The following FBF1 variants were observed in gnomAD, a reference collection of about 807,000 sequenced individuals.
FBF1 encodes fas-binding factor 1.
A neutral mutation model predicts 147.2 loss-of-function variants in FBF1; 119 were observed. That is an observed-to-expected ratio of 0.81 (90% confidence interval 0.70 to 0.94). FBF1 has a LOEUF of 0.94. Among genes scored for constraint, FBF1 ranks in the 40% least tolerant of loss-of-function variants. The pLI, the probability that FBF1 is intolerant of heterozygous loss-of-function variation, is 0.00. For synonymous variants in FBF1, 601 were observed against 609.0 expected (o/e 0.99, Z 0.19); for missense variants, 1,449 against 1,500.8 (o/e 0.97, Z 0.57).
At position 75,926,514 on chromosome 17, in the gene FBF1, C is replaced by T. The variant is rs1043943109; in HGVS notation, c.596-88G>A. 4.8e-6 allele frequency: 7 copies of T among 1,456,478 alleles called. No homozygotes were observed. In the African/African-American group the frequency reaches 5.7e-5, roughly 12 times the overall value. 90.2% of individuals were successfully genotyped at this position (1,456,478 alleles called of 1,614,324 possible). A position where few individuals can be genotyped will look rare whatever the true frequency, so the allele number is the denominator to read the frequency against. Reference sequence around the variant, plus strand: ...GGGGTTGGGGGTGGTTTCTCTGCACCTTTGGGTAGGACGACAGGCTTTAGA... The same window carrying T: ...GGGGTTGGGGGTGGTTTCTCTGCACTTTTGGGTAGGACGACAGGCTTTAGA... On this transcript the variant is annotated intron_variant, in intron 10 of 29. Coordinates refer to ENST00000636174, the MANE Select transcript of FBF1 (RefSeq NM_001319193.2).
intron 16 of FBF1, 47 bp downstream of exon 16, chr17:75,921,425 T>G: frequency 6.3e-7 from 1 of 1,580,360 alleles, no homozygotes; most frequent in Non-Finnish European, 8.6e-7. Context: ...CACCTCTTCC[T>G]CACCCAGGGT....
rs149637037 is a variant in FBF1 at position 75,923,071 on chromosome 17, G to A, written c.1424+115C>T. ...AAGAAGCGGCCTCTGTGGCCACGGC[G>A]CCCTGCCTTGTTCCCCAACTGCTGA... On this transcript the variant is annotated intron_variant, in intron 14 of 29. Coordinates refer to ENST00000636174, the MANE Select transcript of FBF1 (RefSeq NM_001319193.2). This position sits in a 1 kb window ranked among gnomAD's most constrained non-coding sequence, Gnocchi z 4.1. 1.7e-4 allele frequency: 182 copies of A among 1,080,836 alleles called. No individual in the cohort carries two copies. Among genetic ancestry groups the A allele is most frequent in the African/African-American group, 1.5e-3 (96 of 62,556 alleles). 67.0% of individuals were successfully genotyped at this position (1,080,836 alleles called of 1,614,324 possible). A position where few individuals can be genotyped will look rare whatever the true frequency, so the allele number is the denominator to read the frequency against.
intron 7 of FBF1, 33 bp downstream of exon 7, chr17:75,929,964 C>CCCCCCCTAA: frequency 7.1e-7 from 1 of 1,402,200 alleles, no homozygotes; most frequent in South Asian, 1.2e-5. Context: ...CACCCACCCC[C>CCCCCCCTAA]AGTTCTAAGA....
Position 75,926,892 on chromosome 17 carries a change from G to A in FBF1, c.476-15C>T, listed in dbSNP as rs750720447. On this transcript the variant is annotated splice_polypyrimidine_tract_variant and intron_variant, in intron 9 of 29. Transcript: ENST00000636174. ...GTCTTCCAAGTCTCACAGCAGAAGG[G>A]AAAGCACAGGTCAGACTGCAGCACT... 1.9e-6 allele frequency: 3 copies of A among 1,604,574 alleles called. No individual in the cohort carries two copies. The highest frequency in any genetic ancestry group is 2.2e-5 in the South Asian group (2 of 89,382).
chr17:75,930,119 C>T lies in FBF1; in HGVS notation c.229-72G>A. ...TCAAGGCCCAATAAAACTCAGGGTC[C>T]TGGCCCCTTGCTTCTGTTAGGGCAG... On this transcript the variant is annotated intron_variant, in intron 6 of 29. Coordinates refer to ENST00000636174, the MANE Select transcript of FBF1 (RefSeq NM_001319193.2). The T allele has an allele frequency of 2.4e-6, 3 of 1,254,734 alleles. No individual in the cohort carries two copies. The South Asian group carries it at 3.8e-5, about 16-fold the overall frequency. The allele number at this position is 1,254,734 out of a possible 1,614,324, so 77.7% of individuals were successfully genotyped here.
intron 5 of FBF1, 87 bp downstream of exon 5, chr17:75,932,908 A>G: frequency 1.1e-6 from 1 of 871,148 alleles, no homozygotes; most frequent in Non-Finnish European, 1.7e-6. Flanking sequence ...ATGGCGAGCA[A>G]ATGTGAAGTA....
intron 23 of FBF1, among the ~76,000 whole-genome samples, chr17:75,916,007 CA>C (rs35055735): frequency 0.14 from 8,871 of 65,612 alleles, 231 homozygotes; most frequent in African/African-American, 0.28. Context: ...GACTCTGACT[CA>C]AAAAAAAAAA....
chr17:75,929,945 A>AGGGGGGCCCCCCCCCCCCCCC, intron 7 of FBF1, 52 bp downstream of exon 7: 3 of 650,890 alleles, frequency 4.6e-6, no homozygotes, highest in East Asian at 2.8e-5. Context: ...AAATATCATG[A>AGGGGGGCCCCCCCCCCCCCCC]CCCCACCCCA....
intron 23 of FBF1, among the ~76,000 whole-genome samples, chr17:75,915,912 G>A (rs1347396664): frequency 1.3e-5 from 2 of 150,916 alleles, no homozygotes; most frequent in African/African-American, 2.4e-5. Flanking sequence ...GGAGGCTGAG[G>A]CAGGAGAATC....
At position 75,926,053 on chromosome 17, in the gene FBF1, T is replaced by C; in HGVS notation, c.845A>G (p.Asp282Gly). ...ACCCTGTGGCCTCTGGTACTTCTTG[T>C]CTAGCTTGAACTCCCTGTGCTCCCC... ...GTGEHREFKL[D>G]KKYQRPQDSE... is the part of the protein sequence containing the mutation. The change falls in exon 12 of 30, where the codon GAC (aspartate) becomes GGC (glycine). Residue 282 changes from aspartate (D) to glycine (G), a missense_variant. Physicochemically the swap from Asp to Gly is moderately conservative, Grantham distance 94 (BLOSUM62 -1). Coordinates refer to ENST00000636174, the MANE Select transcript of FBF1 (RefSeq NM_001319193.2). The C allele has an allele frequency of 6.2e-7, 1 of 1,611,982 alleles. No individual in the cohort carries two copies. Among genetic ancestry groups the C allele is most frequent in the South Asian group, 1.1e-5 (1 of 90,976 alleles).
At chr17:75,916,098 T>C (rs988853922) in intron 23 of FBF1, among the ~76,000 whole-genome samples, 2 of 151,666 alleles carry the variant, frequency 1.3e-5, no homozygotes, top group Non-Finnish European at 2.9e-5. Flanking sequence ...AGTGGGCAGC[T>C]TGTCTGAGCT....
intron 8 of FBF1, 93 bp from the exon 9 acceptor site, chr17:75,927,625 G>A (rs2065570420): frequency 3.6e-6 from 4 of 1,115,598 alleles, no homozygotes; most frequent in Admixed American, 2.2e-5. Flanking sequence ...GGGATGGGGT[G>A]CACTTCTTCC....
In FBF1 at chr17:75,924,966, C is replaced by T. The variant is rs1034052558; in HGVS notation, c.968+381G>A. Among the ~76,000 whole-genome samples the T allele has an allele frequency of 5.9e-5, 9 of 152,126 alleles. No homozygotes were observed. The East Asian group carries it at 9.6e-4, about 16-fold the overall frequency. ...TGGGAAGCGGGGTCTAAGAAGCCAC[C>T]GCAGATGCCAGTGGTCTTGCTACCC... On this transcript the variant is annotated intron_variant, in intron 13 of 29. Coordinates refer to ENST00000636174, the MANE Select transcript of FBF1 (RefSeq NM_001319193.2).
In FBF1 at chr17:75,922,992, G is replaced by A. The variant is rs2065537315; in HGVS notation, c.1424+194C>T. 2.0e-5 allele frequency among the ~76,000 whole-genome samples: 3 copies of A among 152,272 alleles called. No individual in the cohort carries two copies. Among genetic ancestry groups the A allele is most frequent in the Admixed American group, 6.5e-5 (1 of 15,290 alleles). ...CTTCTTGGGTATGTCCCTGGGGCAA[G>A]CCTGGGAGCCAGAGGCTCTCTCTGC... On this transcript the variant is annotated intron_variant, in intron 14 of 29. Coordinates refer to ENST00000636174, the MANE Select transcript of FBF1 (RefSeq NM_001319193.2). This position sits in a 1 kb window ranked among gnomAD's most constrained non-coding sequence, Gnocchi z 5.0.
chr17:75,925,387 C>A lies in FBF1; in HGVS notation c.928G>T (p.Val310Phe), dbSNP rs750877436. The change falls in exon 13 of 30, where the codon GTC becomes TTC. Residue 310 changes from valine to phenylalanine, a missense_variant. Physicochemically the swap from Val to Phe is conservative, Grantham distance 50 (BLOSUM62 -1). Transcript: ENST00000636174. This position sits in a 1 kb window ranked among gnomAD's most constrained non-coding sequence, Gnocchi z 5.0. ...CGGGACTGCCGGCCCTCAGAGGAGA[C>A]CACAGTGGGCTGATAGGCTCCAAAG... ...FTFGAYQPTVVSSEGRQSRRQ... is the reference protein window; with the variant it reads ...FTFGAYQPTVFSSEGRQSRRQ... 8.7e-6 allele frequency: 14 copies of A among 1,613,440 alleles called. No homozygotes were observed. The highest frequency in any genetic ancestry group is 1.6e-4 in the Middle Eastern group (1 of 6,082).
Position 75,925,360 on chromosome 17 carries a change from G to A in FBF1, c.955C>T (p.Arg319Trp), listed in dbSNP as rs544625554. The change falls in exon 13 of 30, where the codon CGG becomes TGG. Residue 319 changes from arginine (R) to tryptophan (W), a missense_variant. Physicochemically the swap from Arg to Trp is moderately radical, Grantham distance 101. Coordinates refer to ENST00000636174, the MANE Select transcript of FBF1 (RefSeq NM_001319193.2). The surrounding 1 kb of genome is among the most constrained non-coding windows in gnomAD (Gnocchi z 5.0). The stretch of plus-strand genomic sequence containing the variant: ...GGCCCCACTTACCTGACAGACTGCC[G>A]GCGGGACTGCCGGCCCTCAGAGGAG... ...VVSSEGRQSR[R>W]QSVSRFFADS... 3.3e-5 allele frequency: 53 copies of A among 1,612,952 alleles called. No individual in the cohort carries two copies. Among genetic ancestry groups the A allele is most frequent in the East Asian group, 3.1e-4 (14 of 44,876 alleles).
Position 75,914,944 on chromosome 17 carries a change from G to C in FBF1, c.2629-12C>G. 1.2e-6 allele frequency: 2 copies of C among 1,611,278 alleles called. No individual in the cohort carries two copies. The highest frequency in any genetic ancestry group is 8.5e-7 in the Non-Finnish European group (1 of 1,178,562). ...TCCAGCAAGGCGCTCTGGGATGTGGGGGTGAAGGCACGGGGTGAGTGTCCC... is the reference window on the plus strand; with the variant it reads ...TCCAGCAAGGCGCTCTGGGATGTGGCGGTGAAGGCACGGGGTGAGTGTCCC... On this transcript the variant is annotated splice_polypyrimidine_tract_variant and intron_variant, in intron 24 of 29. Coordinates refer to ENST00000636174, the MANE Select transcript of FBF1 (RefSeq NM_001319193.2).
chr17:75,928,082 G>A lies in FBF1; in HGVS notation c.391C>T (p.Pro131Ser). Reference sequence around the variant, plus strand: ...TCACTGGCTACTGACCCACCTGCAGGCTTGGGGTGGTTGGGCAGCTCTCCT... The same window carrying A: ...TCACTGGCTACTGACCCACCTGCAGACTTGGGGTGGTTGGGCAGCTCTCCT... ...GKGELPNHPK[P>S]AGGAIPTKKS... The change falls in exon 8 of 30, where the codon CCT (proline) becomes TCT (serine). Residue 131 changes from proline to serine, a missense_variant. Transcript: ENST00000636174. This position sits in a 1 kb window ranked among gnomAD's most constrained non-coding sequence, Gnocchi z 4.2. 1 of 1,613,232 alleles carries A rather than the reference G, an allele frequency of 6.2e-7. No homozygotes were observed. The highest frequency in any genetic ancestry group is 8.5e-7 in the Non-Finnish European group (1 of 1,179,708).
rs752590554 is a variant in FBF1 at position 75,928,868 on chromosome 17, C to T, written c.280-675G>A. On this transcript the variant is annotated intron_variant, in intron 7 of 29. Coordinates refer to ENST00000636174, the MANE Select transcript of FBF1 (RefSeq NM_001319193.2). The surrounding 1 kb of genome is among the most constrained non-coding windows in gnomAD (Gnocchi z 4.2). ...AAAGACAGAGTCTCACTCTGTCACCCAGGCTGGAGTGAAGTGGTGCGATCA... is the reference window on the plus strand; with the variant it reads ...AAAGACAGAGTCTCACTCTGTCACCTAGGCTGGAGTGAAGTGGTGCGATCA... Among the ~76,000 whole-genome samples the T allele has an allele frequency of 5.3e-5, 8 of 152,044 alleles. No individual in the cohort carries two copies. Among genetic ancestry groups the T allele is most frequent in the Non-Finnish European group, 1.0e-4 (7 of 68,000 alleles).
Sources: gnomAD v4.1 joint callset for allele counts (sites outside exome capture counted in the v4.1 genomes callset) on GRCh38, gnomAD v4.1.1 for gene constraint, Gnocchi (gnomAD v3.1) non-coding constraint, MANE v1.5 for transcripts, NCBI Gene and HGNC (gene_info 2026-07-23, HGNC 2026-07-21) for gene names.